The following KIFAP3 variants were observed in gnomAD, a reference collection of about 807,000 sequenced individuals.
KIFAP3 encodes the protein kinesin associated protein 3.
KIFAP3 carries 68 observed loss-of-function variants against 106.5 expected under a neutral mutation model. The observed-to-expected ratio is 0.64, with a 90% CI of 0.53 to 0.78. The LOEUF is 0.78. Among genes scored for constraint, KIFAP3 ranks in the 30% least tolerant of loss-of-function variants. The pLI, the probability that KIFAP3 is intolerant of heterozygous loss-of-function variation, is 0.00. For synonymous variants in KIFAP3, 320 were observed against 311.5 expected (o/e 1.03, Z -0.29); for missense variants, 780 against 941.8 (o/e 0.83, Z 2.25).
At chr1:169,960,769 T>C (rs1346397419) in intron 18 of KIFAP3, among the ~76,000 whole-genome samples, 1 of 152,124 alleles carries the variant, frequency 6.6e-6, no homozygotes, top group African/African-American at 2.4e-5. Flanking sequence ...AAGTTGTCCA[T>C]TTAAGTTACA....
intron 2 of KIFAP3, among the ~76,000 whole-genome samples, chr1:170,052,530 C>A (rs1175431616): frequency 6.6e-6 from 1 of 151,918 alleles, no homozygotes; most frequent in African/African-American, 2.4e-5. Context: ...CTGGCAGAGA[C>A]ACAACAAAAA....
At chr1:170,061,000 C>A (rs1172064306) in intron 1 of KIFAP3, among the ~76,000 whole-genome samples, 1 of 152,144 alleles carries the variant, frequency 6.6e-6, no homozygotes, top group African/African-American at 2.4e-5. Context: ...ACACCTTATA[C>A]AAAAATTAAT....
At chr1:169,950,189 C>T (rs1215418755) in intron 19 of KIFAP3, among the ~76,000 whole-genome samples, 1 of 152,030 alleles carries the variant, frequency 6.6e-6, no homozygotes, top group Non-Finnish European at 1.5e-5. Flanking sequence ...TTGTGTCATA[C>T]AAATTAGCAA....
Position 170,034,416 on chromosome 1 carries a change from C to A in KIFAP3, c.698G>T (p.Arg233Ile). 6.2e-7 allele frequency: 1 copy of A among 1,605,238 alleles called. No individual in the cohort carries two copies. The highest frequency in any genetic ancestry group is 8.5e-7 in the Non-Finnish European group (1 of 1,175,270). Residue 233 changes from arginine (R) to isoleucine (I), a missense_variant, in exon 7 of 20, where the codon AGA becomes ATA. By Grantham distance (97) the Arg-to-Ile change is moderately conservative. Coordinates refer to ENST00000361580, the MANE Select transcript of KIFAP3 (RefSeq NM_014970.4). ...CMNIIDHELK[R>I]HELWQEELSK... is the part of the protein sequence containing the mutation. Reference sequence around the variant, plus strand: ...GAGTTCTTCTTGCCAAAGCTCATGTCTTTTTAACTCATGATCAATAATATT... The same window carrying A: ...GAGTTCTTCTTGCCAAAGCTCATGTATTTTTAACTCATGATCAATAATATT...
At chr1:169,982,501 A>C (rs571517632) in intron 14 of KIFAP3, among the ~76,000 whole-genome samples, 1 of 152,282 alleles carries the variant, frequency 6.6e-6, no homozygotes, top group Non-Finnish European at 1.5e-5. Flanking sequence ...AGAAACTAAC[A>C]TAAGAAAACA....
chr1:170,057,593 G>GT (rs34212266), intron 1 of KIFAP3, among the ~76,000 whole-genome samples: 70,168 of 147,436 alleles, frequency 0.48, 16,854 homozygotes, highest in East Asian at 0.83. Flanking sequence ...GACAGCTATA[G>GT]TTTTTTTTTT....
chr1:169,933,048 T>C (rs143326978), intron 19 of KIFAP3, among the ~76,000 whole-genome samples: 114 of 152,112 alleles, frequency 7.5e-4, no homozygotes, highest in African/African-American at 2.6e-3. Flanking sequence ...GGCAAACATA[T>C]AGATAATAGA....
At chr1:170,057,816 T>C (rs543552341) in intron 1 of KIFAP3, among the ~76,000 whole-genome samples, 19 of 152,262 alleles carry the variant, frequency 1.2e-4, no homozygotes, top group African/African-American at 4.6e-4. Context: ...ATTTGAAGCA[T>C]ACTATGACAC....
At chr1:170,016,869 T>C (rs1281045333) in intron 9 of KIFAP3, among the ~76,000 whole-genome samples, 4 of 152,148 alleles carry the variant, frequency 2.6e-5, no homozygotes, top group African/African-American at 9.7e-5. Context: ...TTACATTTGA[T>C]CCTTGAAAAC....
At chr1:170,071,868 T>C (rs548008370) in intron 1 of KIFAP3, among the ~76,000 whole-genome samples, 1 of 152,346 alleles carries the variant, frequency 6.6e-6, no homozygotes, top group East Asian at 1.9e-4. Flanking sequence ...AATGAAGTAC[T>C]GATACATGCT....
At chr1:170,052,241 A>G (rs1398317400) in intron 2 of KIFAP3, among the ~76,000 whole-genome samples, 1 of 152,236 alleles carries the variant, frequency 6.6e-6, no homozygotes, top group Non-Finnish European at 1.5e-5. Flanking sequence ...TCTATAAGAA[A>G]TGAATAAATT....
At chr1:170,052,521 T>C (rs1670628743) in intron 2 of KIFAP3, among the ~76,000 whole-genome samples, 1 of 152,058 alleles carries the variant, frequency 6.6e-6, no homozygotes, top group South Asian at 2.1e-4. Context: ...ATACCAAACC[T>C]GGCAGAGACA....
chr1:170,043,541 C>G (rs1053869574), intron 3 of KIFAP3, among the ~76,000 whole-genome samples: 6 of 152,042 alleles, frequency 3.9e-5, no homozygotes, highest in Admixed American at 2.0e-4. Flanking sequence ...CTTGAATATG[C>G]CCATTACCCA....
chr1:169,957,512 G>C (rs1469180415), intron 18 of KIFAP3, among the ~76,000 whole-genome samples: 3 of 151,840 alleles, frequency 2.0e-5, no homozygotes, highest in South Asian at 4.1e-4. Context: ...CTGAAAGCCA[G>C]TTTTAAAAAA....
At chr1:169,939,068 C>A (rs185666716) in intron 19 of KIFAP3, among the ~76,000 whole-genome samples, 1 of 152,022 alleles carries the variant, frequency 6.6e-6, no homozygotes, top group African/African-American at 2.4e-5. Flanking sequence ...ATTGAAGGCA[C>A]GTGAGAGACG....
intron 19 of KIFAP3, among the ~76,000 whole-genome samples, chr1:169,943,203 C>T (rs1271857427): frequency 6.6e-6 from 1 of 152,002 alleles, no homozygotes; most frequent in African/African-American, 2.4e-5. Flanking sequence ...TCTGTAAAGA[C>T]TATGGGCAAT....
intron 17 of KIFAP3, among the ~76,000 whole-genome samples, chr1:169,970,464 GTA>G (rs904042347): frequency 6.6e-6 from 1 of 152,054 alleles, no homozygotes; most frequent in African/African-American, 2.4e-5. Context: ...ACTGCAGAAA[GTA>G]TATTTCCCCA....
chr1:170,035,302 C>A, intron 6 of KIFAP3, 152 bp downstream of exon 6: 1 of 470,868 alleles, frequency 2.1e-6, no homozygotes, highest in Non-Finnish European at 3.8e-6. Context: ...GCAAGACAGA[C>A]AATGGAAAAC....
At chr1:170,026,207 T>C (rs1315406638) in intron 8 of KIFAP3, among the ~76,000 whole-genome samples, 1 of 152,162 alleles carries the variant, frequency 6.6e-6, no homozygotes, top group African/African-American at 2.4e-5. Flanking sequence ...GGCCTGATGA[T>C]ACCTTGACTT....
Sources: allele counts gnomAD v4.1 joint callset (sites outside exome capture counted in the v4.1 genomes callset), GRCh38; gene constraint gnomAD v4.1.1; transcripts MANE v1.5; gene names NCBI Gene and HGNC (gene_info 2026-07-23, HGNC 2026-07-21).